The following RAD51B variants were observed in gnomAD, a reference collection of about 807,000 sequenced individuals.
RAD51B encodes the protein RAD51 paralog B.
In RAD51B, 38 loss-of-function variants were observed where a neutral mutation model predicts 42.2. That is an observed-to-expected ratio of 0.90 (90% confidence interval 0.70 to 1.18). The LOEUF is 1.18. Among genes scored for constraint, RAD51B ranks in the 50% most tolerant of loss-of-function variants. RAD51B has a pLI of 0.00. For synonymous variants in RAD51B, 154 were observed against 145.2 expected, an observed-to-expected ratio of 1.06 and a Z score of -0.43; for missense variants, 373 against 400.7, an observed-to-expected ratio of 0.93 and a Z score of 0.59.
intron 7 of RAD51B, among the ~76,000 whole-genome samples, chr14:68,045,712 A>G (rs977765972): frequency 1.4e-4 from 21 of 152,198 alleles, no homozygotes; most frequent in Admixed American, 1.2e-3. Flanking sequence ...GAAAATACCA[A>G]AACTCAGTAT....
rs80019600 is a variant in RAD51B at position 68,193,805 on chromosome 14, C to T, written c.757-98079C>T. Reference sequence around the variant, plus strand: ...TCTGATTGAATGTGTTAATTTAGCCCGCCTTCAAACTTCTTAACCAATGGC... The same window carrying T: ...TCTGATTGAATGTGTTAATTTAGCCTGCCTTCAAACTTCTTAACCAATGGC... On this transcript the variant is annotated intron_variant, in intron 7 of 10. Coordinates refer to ENST00000471583, the MANE Select transcript of RAD51B (RefSeq NM_133510.4). 7.3e-3 allele frequency among the ~76,000 whole-genome samples: 1,106 copies of T among 152,234 alleles called. 11 individuals carry two copies. Among genetic ancestry groups the T allele is most frequent in the African/African-American group, 0.024 (1,007 of 41,534 alleles).
chr14:67,884,313 A>G (rs1595059192), intron 5 of RAD51B, among the ~76,000 whole-genome samples: 1 of 152,208 alleles, frequency 6.6e-6, no homozygotes. Context: ...TACTGAAGCC[A>G]CTAGTGGAAA....
At chr14:67,968,017 A>G (rs1311962174) in intron 7 of RAD51B, among the ~76,000 whole-genome samples, 1 of 152,214 alleles carries the variant, frequency 6.6e-6, no homozygotes, top group Admixed American at 6.5e-5. Context: ...GGAGGTTCCC[A>G]AACCTCAATT....
At chr14:67,869,270 C>T (rs1302988749) in intron 5 of RAD51B, among the ~76,000 whole-genome samples, 4 of 151,880 alleles carry the variant, frequency 2.6e-5, no homozygotes, top group Non-Finnish European at 4.4e-5. Context: ...AACCAAGGCT[C>T]GAGAACTATG....
rs1177801589 is a variant in RAD51B, at chr14:68,090,857, C to A, written c.757-201027C>A. On this transcript the variant is annotated intron_variant, in intron 7 of 10. Transcript: ENST00000471583. ...CCAATGCTATCCCTCCCCCCTCCCC[C>A]CACCCCACAACAGTCCCCAGAGTGT... 4.5e-5 allele frequency among the ~76,000 whole-genome samples: 5 copies of A among 112,304 alleles called. No individual in the cohort carries two copies. In the South Asian group the frequency reaches 1.9e-3, roughly 42 times the overall value. 73.7% of individuals were successfully genotyped at this position (112,304 alleles called of 152,430 possible). A position where few individuals can be genotyped will look rare whatever the true frequency, so the allele number is the denominator to read the frequency against.
chr14:68,263,438 A>G lies in RAD51B; in HGVS notation c.757-28446A>G, dbSNP rs78261194. ...AGTGCTCCCAGGACAGACAGTCCCA[A>G]TGATGTTAGCAACATATTGGAACAA... On this transcript the variant is annotated intron_variant, in intron 7 of 10. Coordinates refer to ENST00000471583, the MANE Select transcript of RAD51B (RefSeq NM_133510.4). Among the ~76,000 whole-genome samples the G allele has an allele frequency of 1.2e-4, 19 of 152,328 alleles. No homozygotes were observed. In the East Asian group the frequency reaches 2.3e-3, roughly 19 times the overall value.
intron 5 of RAD51B, among the ~76,000 whole-genome samples, chr14:67,882,919 AT>A (rs995396051): frequency 6.6e-6 from 1 of 152,044 alleles, no homozygotes; most frequent in Non-Finnish European, 1.5e-5. Context: ...TAATTTTTGT[AT>A]TTTTAGTAGA....
intron 8 of RAD51B, among the ~76,000 whole-genome samples, chr14:68,370,071 G>A (rs2083222118): frequency 1.3e-5 from 2 of 152,154 alleles, no homozygotes; most frequent in Non-Finnish European, 2.9e-5. Context: ...TTTATGCCTA[G>A]TGTTCCATTA....
chr14:68,482,176 G>GGGGTGTGTGTGTGT (rs148913511), downstream of RAD51B, among the ~76,000 whole-genome samples: 10 of 149,802 alleles, frequency 6.7e-5, no homozygotes, highest in East Asian at 2.0e-4. Context: ...ATATTTTAGG[G>GGGGTGTGTGTGTGT]GTGTGTGTGT....
intron 10 of RAD51B, among the ~76,000 whole-genome samples, chr14:68,506,108 C>A (rs568486422): frequency 6.6e-6 from 1 of 152,190 alleles, no homozygotes; most frequent in East Asian, 1.9e-4. Context: ...ACACAGTGTG[C>A]CCCCAGGCAG....
intron 10 of RAD51B, among the ~76,000 whole-genome samples, chr14:68,623,795 A>G (rs8009034): frequency 0.9 from 137,445 of 152,350 alleles, 62,225 homozygotes; most frequent in African/African-American, 0.97. Context: ...AGGGCCGGTA[A>G]GGCTTTGTGT....
intron 10 of RAD51B, among the ~76,000 whole-genome samples, chr14:68,499,654 A>C (rs1884784269): frequency 6.6e-6 from 1 of 152,170 alleles, no homozygotes; most frequent in Admixed American, 6.5e-5. Flanking sequence ...CCCTAAATCT[A>C]ATGACAAGCA....
chr14:67,962,535 C>A lies in RAD51B; in HGVS notation c.756+75331C>A, dbSNP rs1192322589. Among the ~76,000 whole-genome samples, 5 of 152,286 alleles carry A rather than the reference C, an allele frequency of 3.3e-5. No individual in the cohort carries two copies. The East Asian group carries it at 9.6e-4, about 29-fold the overall frequency. ...TCAGACTTCACAACAATGTGCAATA[C>A]TACAGGAGCTATGTCAACACAGTTC... On this transcript the variant is annotated intron_variant, in intron 7 of 10. Transcript: ENST00000471583.
At chr14:68,313,735 C>T (rs977049783) in intron 8 of RAD51B, among the ~76,000 whole-genome samples, 3 of 152,146 alleles carry the variant, frequency 2.0e-5, no homozygotes, top group Admixed American at 2.0e-4. Context: ...CTTGCAGTTC[C>T]CCTGGAACCA....
chr14:68,195,509 A>G (rs1397393489), intron 7 of RAD51B, among the ~76,000 whole-genome samples: 2 of 152,228 alleles, frequency 1.3e-5, no homozygotes, highest in Non-Finnish European at 2.9e-5. Flanking sequence ...TGATACTCCC[A>G]GTACACATAC....
chr14:68,254,874 G>A (rs1290366798), intron 7 of RAD51B, among the ~76,000 whole-genome samples: 1 of 152,170 alleles, frequency 6.6e-6, no homozygotes, highest in African/African-American at 2.4e-5. Flanking sequence ...TACCCACTGG[G>A]TACTGAGTAA....
intron 10 of RAD51B, among the ~76,000 whole-genome samples, chr14:68,557,120 C>A (rs528427069): frequency 1.3e-5 from 2 of 152,288 alleles, no homozygotes; most frequent in South Asian, 2.1e-4. Flanking sequence ...TTTATAAACT[C>A]CCTTGTATGG....
intron 7 of RAD51B, among the ~76,000 whole-genome samples, chr14:68,191,288 G>T (rs1292297963): frequency 3.3e-5 from 5 of 152,146 alleles, no homozygotes; most frequent in Admixed American, 6.6e-5. Flanking sequence ...CATGGTTTCT[G>T]TGGAGGCCAT....
intron 6 of RAD51B, 83 bp downstream of exon 6, chr14:67,886,071 A>G (rs2043051973): frequency 8.2e-7 from 1 of 1,214,914 alleles, no homozygotes; most frequent in Non-Finnish European, 1.1e-6. Context: ...CTAAGTGAAA[A>G]AAGTCTTTAT....
Sources: allele counts gnomAD v4.1 joint callset (sites outside exome capture counted in the v4.1 genomes callset), GRCh38; gene constraint gnomAD v4.1.1; transcripts MANE v1.5; gene names NCBI Gene and HGNC (gene_info 2026-07-23, HGNC 2026-07-21).